The following TLK2 variants were observed in gnomAD, a reference collection of about 807,000 sequenced individuals.
TLK2 encodes tousled like kinase 2, also known as serine/threonine-protein kinase tousled-like 2.
TLK2 carries 6 observed loss-of-function variants against 117.3 expected under a neutral mutation model. The observed-to-expected ratio is 0.05, with a 90% CI of 0.03 to 0.10. The LOEUF is 0.10. Among genes scored for constraint, TLK2 ranks in the 10% least tolerant of loss-of-function variants. The probability of loss-of-function intolerance (pLI) is 1.00; values close to 1 mark genes in which losing one functional copy is unlikely to be tolerated. For synonymous variants in TLK2, 257 were observed against 316.7 expected, an observed-to-expected ratio of 0.81 and a Z score of 2.00; for missense variants, 299 against 901.2, an observed-to-expected ratio of 0.33 and a Z score of 8.56.
At chr17:62,577,907 C>T (rs1010496473) in intron 13 of TLK2, among the ~76,000 whole-genome samples, 2 of 152,004 alleles carry the variant, frequency 1.3e-5, no homozygotes, top group Middle Eastern at 3.2e-3. Context: ...ATTAGCTGGG[C>T]GTGGTGGCAT....
chr17:62,573,767 G>C (rs2080512382), intron 12 of TLK2, among the ~76,000 whole-genome samples: 1 of 152,190 alleles, frequency 6.6e-6, no homozygotes, highest in Admixed American at 6.5e-5. Flanking sequence ...GGTCAAAAGA[G>C]CACTTAGTTA....
At chr17:62,586,297 C>T in intron 16 of TLK2, 71 bp downstream of exon 16, 2 of 1,063,976 alleles carry the variant, frequency 1.9e-6, no homozygotes, top group Non-Finnish European at 2.8e-6. Context: ...ATGCTACAAG[C>T]TTTACGTGCA....
Position 62,608,067 on chromosome 17 carries a change from A to G in TLK2, c.1998A>G (p.Gln666=). The G allele has an allele frequency of 1.9e-6, 3 of 1,613,706 alleles. No individual in the cohort carries two copies. The highest frequency in any genetic ancestry group is 2.5e-6 in the Non-Finnish European group (3 of 1,179,922). ...RKPFGHNQSQ[Q]DILQENTILK... is the part of the protein sequence containing the mutation. ...CTTTTGGCCATAACCAGTCTCAGCA[A>G]GACATCCTACAAGAGAATACGATTC... Residue 666 remains glutamine (Q), a synonymous_variant, in exon 21 of 22, where the codon CAA becomes CAG. Coordinates refer to ENST00000346027, the MANE Select transcript of TLK2 (RefSeq NM_006852.6).
intron 17 of TLK2, among the ~76,000 whole-genome samples, chr17:62,599,547 C>G (rs1267054137): frequency 1.3e-5 from 2 of 152,126 alleles, no homozygotes; most frequent in Non-Finnish European, 2.9e-5. Flanking sequence ...TCTCCACCTC[C>G]TCTCCCTCCC....
chr17:62,564,068 T>C (rs2079525747), intron 10 of TLK2, among the ~76,000 whole-genome samples: 1 of 152,092 alleles, frequency 6.6e-6, no homozygotes, highest in Admixed American at 6.6e-5. Context: ...AGCTAGGCAT[T>C]GATGTGGCCC....
chr17:62,486,841 T>C, intron 2 of TLK2, among the ~76,000 whole-genome samples: 1 of 152,250 alleles, frequency 6.6e-6, no homozygotes, highest in Non-Finnish European at 1.5e-5. Flanking sequence ...CTCACTGGAT[T>C]AATAGGCATT....
chr17:62,499,186 T>A (rs1310282923), intron 2 of TLK2, among the ~76,000 whole-genome samples: 1 of 151,456 alleles, frequency 6.6e-6, no homozygotes, highest in Non-Finnish European at 1.5e-5. Context: ...ACTAAAAACA[T>A]GAAAATTAGC....
intron 14 of TLK2, among the ~76,000 whole-genome samples, chr17:62,579,231 T>G (rs893817366): frequency 6.6e-6 from 1 of 152,248 alleles, no homozygotes; most frequent in African/African-American, 2.4e-5. Flanking sequence ...CAGGTACCAC[T>G]TCCTGAGAGC....
At chr17:62,579,791 T>C (rs2081075735) in intron 14 of TLK2, among the ~76,000 whole-genome samples, 1 of 152,130 alleles carries the variant, frequency 6.6e-6, no homozygotes, top group Non-Finnish European at 1.5e-5. Context: ...AATAGCACAA[T>C]CTAAAAATCT....
At chr17:62,502,273 A>G (rs1029523674) in intron 2 of TLK2, among the ~76,000 whole-genome samples, 3 of 152,136 alleles carry the variant, frequency 2.0e-5, no homozygotes, top group African/African-American at 7.2e-5. Context: ...TCACCATATT[A>G]ATAGAATAAA....
At chr17:62,507,621 A>G (rs1598284597) in intron 2 of TLK2, among the ~76,000 whole-genome samples, 1 of 152,180 alleles carries the variant, frequency 6.6e-6, no homozygotes, top group African/African-American at 2.4e-5. Flanking sequence ...TAAGCAGCCA[A>G]TTTGGTCTAA....
chr17:62,546,535 A>T (rs1598489930), intron 7 of TLK2, among the ~76,000 whole-genome samples: 8 of 130,136 alleles, frequency 6.1e-5, no homozygotes, highest in Admixed American at 7.7e-5. Context: ...CTTCTGGGAG[A>T]TTTTCTTATT....
At chr17:62,516,450 A>G in intron 2 of TLK2, 1 of 1,592,092 alleles carries the variant, frequency 6.3e-7, no homozygotes, top group Non-Finnish European at 8.5e-7. Flanking sequence ...ACAGACCTTT[A>G]GGCCGAGGCC....
rs139996855 is a variant in TLK2 at position 62,610,823 on chromosome 17, T to C, written c.2080-1569T>C. On this transcript the variant is annotated intron_variant, in intron 21 of 21. Transcript: ENST00000346027. ...TGATTGCTGTTTTAAGAGCTGACAC[T>C]GGCAGCTACAGAGAAAATTCAAGGT... 1.8e-3 allele frequency among the ~76,000 whole-genome samples: 270 copies of C among 152,282 alleles called. 1 individual carries two copies. The highest frequency in any genetic ancestry group is 6.1e-3 in the African/African-American group (254 of 41,564).
chr17:62,530,426 C>G (rs1172098285), intron 6 of TLK2, among the ~76,000 whole-genome samples: 3 of 152,150 alleles, frequency 2.0e-5, no homozygotes, highest in African/African-American at 7.2e-5. Context: ...ATGATCACAC[C>G]ACTGCGCTCC....
chr17:62,589,402 A>G (rs547079218), intron 16 of TLK2, among the ~76,000 whole-genome samples: 6 of 152,338 alleles, frequency 3.9e-5, no homozygotes, highest in Admixed American at 2.6e-4. Flanking sequence ...ATAAGAGAGT[A>G]AAAGACATTT....
chr17:62,487,518 C>CAA (rs545506997), intron 2 of TLK2, among the ~76,000 whole-genome samples: 10 of 56,288 alleles, frequency 1.8e-4, no homozygotes, highest in African/African-American at 4.4e-4. Context: ...GCCTCCGTCT[C>CAA]AAAAAAAAAA....
At chr17:62,537,609 G>T (rs372973475) in intron 7 of TLK2, among the ~76,000 whole-genome samples, 1 of 152,122 alleles carries the variant, frequency 6.6e-6, no homozygotes, top group Non-Finnish European at 1.5e-5. Flanking sequence ...TCCTGTCCAG[G>T]TCTGGTTTCT....
intron 2 of TLK2, among the ~76,000 whole-genome samples, chr17:62,507,195 AC>A (rs1314239077): frequency 6.6e-6 from 1 of 151,832 alleles, no homozygotes; most frequent in Admixed American, 6.6e-5. Context: ...AATCGCTTGA[AC>A]CCAGGAGGCA....
Sources: gnomAD v4.1 joint callset for allele counts (sites outside exome capture counted in the v4.1 genomes callset) on GRCh38, gnomAD v4.1.1 for gene constraint, MANE v1.5 for transcripts, NCBI Gene and HGNC (gene_info 2026-07-23, HGNC 2026-07-21) for gene names.